STAT2: variants seen among roughly 807,000 people sequenced by gnomAD.
STAT2 encodes the protein interferon alpha induced transcriptional activator.
A neutral mutation model predicts 122.3 loss-of-function variants in STAT2; 51 were observed. The ratio of observed to expected loss-of-function variants is 0.42; its 90% CI spans 0.33 to 0.53. STAT2 has a LOEUF of 0.53. Ranked by LOEUF, STAT2 falls within the 20% of genes least tolerant of loss-of-function variation. The pLI is 0.10. For synonymous variants in STAT2, 351 were observed against 394.9 expected (o/e 0.89, Z 1.32); for missense variants, 736 against 1,010.3 (o/e 0.73, Z 3.68).
chr12:56,345,630 C>T (rs190715969), intron 22 of STAT2, among the ~76,000 whole-genome samples: 38 of 143,224 alleles, frequency 2.7e-4, no homozygotes, highest in Middle Eastern at 3.6e-3. Context: ...ACAGCCTGGG[C>T]AACATGGTAA....
Position 56,355,869 on chromosome 12 carries a change from C to T in STAT2, c.286-66G>A, listed in dbSNP as rs1879433597. ...CTCTCAATGACCTATTGCCCTAGACCCTCCCCACCAATGTCCACAGTATTT... is the reference window on the plus strand; with the variant it reads ...CTCTCAATGACCTATTGCCCTAGACTCTCCCCACCAATGTCCACAGTATTT... On this transcript the variant is annotated intron_variant, in intron 3 of 23. Transcript: ENST00000314128. The T allele has an allele frequency of 2.0e-6, 3 of 1,494,866 alleles. No homozygotes were observed. In the African/African-American group the frequency reaches 4.1e-5, roughly 21 times the overall value. 92.6% of individuals were successfully genotyped at this position (1,494,866 alleles called of 1,614,324 possible).
rs1475268548 is a variant in STAT2, at chr12:56,349,486, T to C, written c.1281A>G (p.Glu427=). 6.2e-7 allele frequency: 1 copy of C among 1,614,200 alleles called. No homozygotes were observed. The highest frequency in any genetic ancestry group is 1.3e-5 in the African/African-American group (1 of 75,056). ...TGACCGTGAAGCTGATGATGTGCAG[T>C]TCCTCTGTCACACCTAGTGGCCCCT... ...SNKGPLGVTE[E]LHIISFTVKY... The change falls in exon 15 of 24, where the codon GAA becomes GAG. Residue 427 remains glutamate, a synonymous_variant. Transcript: ENST00000314128.
intron 22 of STAT2, among the ~76,000 whole-genome samples, chr12:56,344,563 A>G (rs1344022613): frequency 2.6e-5 from 4 of 152,204 alleles, no homozygotes; most frequent in Non-Finnish European, 5.9e-5. Context: ...CATTTAGCCT[A>G]GTGCCTGGCG....
chr12:56,358,674 A>G (rs1321675666), intron 1 of STAT2, among the ~76,000 whole-genome samples: 1 of 152,174 alleles, frequency 6.6e-6, no homozygotes. Context: ...GGGTGGCTCA[A>G]TCCCAAGAAT....
chr12:56,344,808 C>T lies in STAT2; in HGVS notation c.2103-673G>A, dbSNP rs969737884. On this transcript the variant is annotated intron_variant, in intron 22 of 23. Coordinates refer to ENST00000314128, the MANE Select transcript of STAT2 (RefSeq NM_005419.4). ...GATCATGAGGTCAGGAGTTTGAGAC[C>T]AGCCTGGCCAATATGGTAAAACCCT... Among the ~76,000 whole-genome samples the T allele has an allele frequency of 1.6e-4, 25 of 152,226 alleles. No individual in the cohort carries two copies. The South Asian group carries it at 3.9e-3, about 24-fold the overall frequency.
chr12:56,351,229 T>A, intron 9 of STAT2, 39 bp from the exon 10 acceptor site: 1 of 1,611,762 alleles, frequency 6.2e-7, no homozygotes, highest in South Asian at 1.1e-5. Context: ...TATAGCTCAG[T>A]ATCTGTAAGA....
intron 8 of STAT2, chr12:56,352,371 T>TGGGGGG (rs1251735885): frequency 3.5e-5 from 1 of 28,464 alleles, no homozygotes; most frequent in Non-Finnish European, 6.8e-5. Flanking sequence ...TTTTTTTTTT[T>TGGGGGG]GGTGGGGGTG....
chr12:56,346,709 C>T, intron 20 of STAT2, 85 bp from the exon 21 acceptor site: 1 of 1,601,366 alleles, frequency 6.2e-7, no homozygotes, highest in Admixed American at 1.7e-5. Flanking sequence ...AGTCCCAAAC[C>T]AGCTGAGGGA....
At chr12:56,350,362 G>A in intron 12 of STAT2, 50 bp downstream of exon 12, 1 of 1,560,024 alleles carries the variant, frequency 6.4e-7, no homozygotes, top group South Asian at 1.2e-5. Context: ...ATGTGGTTCT[G>A]CAGGTCATAC....
Position 56,356,423 on chromosome 12 carries a change from A to G in STAT2, c.131+18T>C, listed in dbSNP as rs199760632. On this transcript the variant is annotated intron_variant, in intron 2 of 23. Transcript: ENST00000314128. ...AGGAACCACCTTTTTCATTCCCCCA[A>G]CTTCCTGAAGGCCTCACCAGTTCTG... The G allele has an allele frequency of 9.3e-6, 15 of 1,611,596 alleles. No homozygotes were observed. The highest frequency in any genetic ancestry group is 1.3e-5 in the African/African-American group (1 of 74,808).
intron 22 of STAT2, among the ~76,000 whole-genome samples, chr12:56,344,384 G>A (rs1877035450): frequency 6.6e-6 from 1 of 152,092 alleles, no homozygotes; most frequent in Non-Finnish European, 1.5e-5. Context: ...GAGGCAGTAG[G>A]GTGGTTAAAA....
At chr12:56,354,944 G>A in intron 6 of STAT2, 81 bp from the exon 7 acceptor site, 1 of 1,404,530 alleles carries the variant, frequency 7.1e-7, no homozygotes, top group Non-Finnish European at 9.9e-7. Flanking sequence ...TCAGGAAGGA[G>A]GAATTTTGTG....
chr12:56,353,995 C>CAAAAAAAAAAAAAAAAAAAA (rs1187550270), intron 8 of STAT2, among the ~76,000 whole-genome samples: 1 of 12,776 alleles, frequency 7.8e-5, no homozygotes, highest in African/African-American at 3.3e-4. Flanking sequence ...GACTCCGTCT[C>CAAAAAAAAAAAAAAAAAAAA]AAAAAAAAAA....
intron 11 of STAT2, among the ~76,000 whole-genome samples, 177 bp from the exon 12 acceptor site, chr12:56,350,609 T>C (rs374742537): frequency 6.6e-6 from 1 of 152,176 alleles, no homozygotes. Flanking sequence ...TACAGTGCAC[T>C]GGTAATAGTT....
At position 56,342,296 on chromosome 12, in the gene STAT2, C is replaced by CA. The variant is rs535939207; in HGVS notation, c.*1092dup. The CA allele has an allele frequency of 0.073, 5,259 of 72,376 alleles. 378 individuals are homozygous for CA. Among genetic ancestry groups the CA allele is most frequent in the African/African-American group, 0.22 (4,679 of 21,110 alleles). The allele number at this position is 72,376 out of a possible 1,614,324, so 4.5% of individuals were successfully genotyped here. On this transcript the variant is annotated 3_prime_UTR_variant, in exon 24 of 24. Transcript: ENST00000314128. ...GGACAACAAGAGAGAAACTCCATCT[C>CA]AAAAAAAAAAAAAAAAAAATCCTGG...
chr12:56,350,629 G>A (rs1365134165), intron 11 of STAT2, among the ~76,000 whole-genome samples, 197 bp from the exon 12 acceptor site: 1 of 152,126 alleles, frequency 6.6e-6, no homozygotes, highest in Non-Finnish European at 1.5e-5. Context: ...TTATTCATGG[G>A]GTTGGTGTGA....
chr12:56,350,190 G>A lies in STAT2; in HGVS notation c.1116C>T (p.Gly372=). The change falls in exon 13 of 24, where the codon GGC becomes GGT. Residue 372 remains glycine, a splice_region_variant and synonymous_variant. Coordinates refer to ENST00000314128, the MANE Select transcript of STAT2 (RefSeq NM_005419.4). ...AAGTCAGAATGTTGAACTTCCGGAA[G>A]CTGTTCCAGGAGGAAGATACATGGA... ...SIDRNPPQLQ[G]FRKFNILTSN... The A allele has an allele frequency of 6.2e-7, 1 of 1,609,790 alleles. No individual in the cohort carries two copies. Among genetic ancestry groups the A allele is most frequent in the Non-Finnish European group, 8.5e-7 (1 of 1,178,514 alleles).
Position 56,351,323 on chromosome 12 carries a change from C to A in STAT2, c.910G>T (p.Val304Phe). The A allele has an allele frequency of 1.2e-6, 2 of 1,614,174 alleles. No individual in the cohort carries two copies. The highest frequency in any genetic ancestry group is 2.2e-5 in the South Asian group (2 of 91,078). ...TKGVDLRNAQ[V>F]TELLQRLLHR... ...AGCAGACGCTGTAGCAACTCTGTGACCTGGGCGTTGCGTAGGTCCACCCCT... is the reference window on the plus strand; with the variant it reads ...AGCAGACGCTGTAGCAACTCTGTGAACTGGGCGTTGCGTAGGTCCACCCCT... The change falls in exon 9 of 24, where the codon GTC (valine) becomes TTC (phenylalanine). Residue 304 changes from valine (V) to phenylalanine (F), a missense_variant. Coordinates refer to ENST00000314128, the MANE Select transcript of STAT2 (RefSeq NM_005419.4).
In STAT2 at chr12:56,354,814, C is replaced by G; in HGVS notation, c.597G>C (p.Leu199=). The change falls in exon 7 of 24, where the codon CTG becomes CTC. Residue 199 remains leucine (L), a synonymous_variant. Transcript: ENST00000314128. The part of the protein sequence containing the change: ...DPHQTKEQKI[L]QETLNELDKR... ...TGTCCAGTTCATTGAGAGTTTCCTG[C>G]AGAATCTTCTGCTCTTTGGTCTGAT... is the stretch of plus-strand genomic sequence containing the variant. 6.2e-7 allele frequency: 1 copy of G among 1,614,178 alleles called. No individual in the cohort carries two copies. Among genetic ancestry groups the G allele is most frequent in the Non-Finnish European group, 8.5e-7 (1 of 1,180,036 alleles).
Sources: gnomAD v4.1 joint callset for allele counts (sites outside exome capture counted in the v4.1 genomes callset) on GRCh38, gnomAD v4.1.1 for gene constraint, MANE v1.5 for transcripts, NCBI Gene and HGNC (gene_info 2026-07-23, HGNC 2026-07-21) for gene names.